STXBP6: variants seen among roughly 807,000 people sequenced by gnomAD.
STXBP6 encodes the protein syntaxin-binding protein 6.
In STXBP6, 21 loss-of-function variants were observed where a neutral mutation model predicts 26.9. The observed-to-expected ratio is 0.78, with a 90% CI of 0.55 to 1.12. The LOEUF (loss-of-function observed/expected upper bound fraction) is 1.12. STXBP6 is among the 50% of genes most tolerant of loss of function. The pLI, the probability that STXBP6 is intolerant of heterozygous loss-of-function variation, is 0.00. For synonymous variants in STXBP6, 97 were observed against 92.6 expected, an observed-to-expected ratio of 1.05 and a Z score of -0.27; for missense variants, 232 against 257.9, an observed-to-expected ratio of 0.90 and a Z score of 0.69.
intron 1 of STXBP6, among the ~76,000 whole-genome samples, chr14:25,043,959 C>T (rs1486955271): frequency 6.6e-6 from 1 of 151,824 alleles, no homozygotes; most frequent in African/African-American, 2.4e-5. Context: ...TGCTTGAGCC[C>T]AGGAGTTCAA....
chr14:24,866,950 A>G (rs1412049030), intron 2 of STXBP6, among the ~76,000 whole-genome samples: 1 of 152,108 alleles, frequency 6.6e-6, no homozygotes, highest in Non-Finnish European at 1.5e-5. Flanking sequence ...AGAAGAGCAA[A>G]AACAACTGTG....
At chr14:24,864,369 A>C (rs10483288) in intron 2 of STXBP6, among the ~76,000 whole-genome samples, 24,597 of 152,152 alleles carry the variant, frequency 0.16, 2,359 homozygotes, top group Non-Finnish European at 0.23. Context: ...CGTGGTAGAA[A>C]TTCAATGCAT....
intron 1 of STXBP6, among the ~76,000 whole-genome samples, chr14:24,977,882 G>T (rs1370017613): frequency 1.3e-5 from 2 of 152,160 alleles, no homozygotes; most frequent in African/African-American, 2.4e-5. Context: ...CTCTTATAGG[G>T]ATGGTTTTGT....
chr14:25,035,661 T>C (rs997617090), intron 1 of STXBP6, among the ~76,000 whole-genome samples: 1 of 152,216 alleles, frequency 6.6e-6, no homozygotes, highest in African/African-American at 2.4e-5. Flanking sequence ...GAAGTTTTCA[T>C]TAAAATGTCC....
intron 4 of STXBP6, among the ~76,000 whole-genome samples, chr14:24,824,507 G>A (rs938644417): frequency 6.6e-6 from 1 of 152,112 alleles, no homozygotes; most frequent in Admixed American, 6.6e-5. Flanking sequence ...AATCCACAAA[G>A]TCCATTAATT....
chr14:24,891,152 A>T (rs144937804), intron 2 of STXBP6, among the ~76,000 whole-genome samples: 3 of 152,320 alleles, frequency 2.0e-5, no homozygotes, highest in Admixed American at 1.3e-4. Flanking sequence ...AACTTTGGAC[A>T]GTATGTTAAT....
intron 2 of STXBP6, among the ~76,000 whole-genome samples, chr14:24,870,701 A>G (rs2069897236): frequency 6.6e-6 from 1 of 152,166 alleles, no homozygotes; most frequent in Non-Finnish European, 1.5e-5. Flanking sequence ...TTTGTCATTT[A>G]AATGGTCTCC....
chr14:24,899,068 G>A (rs2071107533), intron 2 of STXBP6, among the ~76,000 whole-genome samples: 2 of 152,130 alleles, frequency 1.3e-5, no homozygotes. Flanking sequence ...TCTTTCCAGT[G>A]ACTCTGAACC....
At chr14:24,886,396 T>A (rs2070589171) in intron 2 of STXBP6, among the ~76,000 whole-genome samples, 1 of 152,172 alleles carries the variant, frequency 6.6e-6, no homozygotes, top group Non-Finnish European at 1.5e-5. Flanking sequence ...TAACAGTAAC[T>A]GTAAATCCAA....
intron 1 of STXBP6, among the ~76,000 whole-genome samples, chr14:25,043,292 A>C (rs2075672001): frequency 6.6e-6 from 1 of 152,244 alleles, no homozygotes; most frequent in African/African-American, 2.4e-5. Context: ...AAAGACAAAC[A>C]AGGATAAACG....
chr14:24,918,673 CAT>C (rs1226288455), intron 2 of STXBP6, among the ~76,000 whole-genome samples: 1 of 152,016 alleles, frequency 6.6e-6, no homozygotes, highest in Non-Finnish European at 1.5e-5. Flanking sequence ...ACTTAATTAA[CAT>C]ATTTCTGGTA....
chr14:24,882,315 C>G (rs1239518020), intron 2 of STXBP6, among the ~76,000 whole-genome samples: 1 of 124,188 alleles, frequency 8.1e-6, no homozygotes, highest in African/African-American at 3.0e-5. Context: ...GGAGGCGGAG[C>G]TTGCAGTGAG....
chr14:24,996,755 T>C (rs935572937), intron 1 of STXBP6, among the ~76,000 whole-genome samples: 5 of 147,702 alleles, frequency 3.4e-5, no homozygotes, highest in African/African-American at 5.1e-5. Context: ...CTTGGAAGGC[T>C]GAGGCAGGAG....
At chr14:24,831,102 ACCT>A (rs2068442875) in intron 4 of STXBP6, among the ~76,000 whole-genome samples, 1 of 152,184 alleles carries the variant, frequency 6.6e-6, no homozygotes, top group Admixed American at 6.5e-5. Flanking sequence ...CTAAACTGTA[ACCT>A]CCTAGAAGAA....
chr14:24,937,402 A>T (rs1024583543), intron 2 of STXBP6, among the ~76,000 whole-genome samples: 13 of 152,244 alleles, frequency 8.5e-5, no homozygotes, highest in Non-Finnish European at 1.9e-4. Flanking sequence ...TTGCTCTGTT[A>T]CTATGCCTTT....
At chr14:24,939,202 G>A (rs145131193) in intron 2 of STXBP6, among the ~76,000 whole-genome samples, 6 of 152,216 alleles carry the variant, frequency 3.9e-5, no homozygotes, top group South Asian at 2.1e-4. Flanking sequence ...CTAGTGCTCC[G>A]GTGACTGTGG....
chr14:24,955,862 G>A (rs1461304499), intron 2 of STXBP6, among the ~76,000 whole-genome samples: 2 of 152,182 alleles, frequency 1.3e-5, no homozygotes, highest in African/African-American at 2.4e-5. Flanking sequence ...CTTCATATAT[G>A]CAGCATTACT....
At chr14:24,907,389 A>T (rs2139686865) in intron 2 of STXBP6, among the ~76,000 whole-genome samples, 1 of 152,318 alleles carries the variant, frequency 6.6e-6, no homozygotes, top group African/African-American at 2.4e-5. Flanking sequence ...TTCCATTATA[A>T]TGTACAGTGC....
In STXBP6 at chr14:24,931,081, G is replaced by A. The variant is rs1157315956; in HGVS notation, c.154+43584C>T. The stretch of plus-strand genomic sequence containing the variant: ...AGCCGAGATTGCGCCACTGCAGTCC[G>A]CAGTCCGGCCTGGGCGACAGAGCGA... On this transcript the variant is annotated intron_variant, in intron 2 of 5. Coordinates refer to ENST00000323944, the MANE Select transcript of STXBP6 (RefSeq NM_001394410.1). Among the ~76,000 whole-genome samples the A allele has an allele frequency of 2.2e-4, 26 of 120,354 alleles. No homozygotes were observed. The East Asian group carries it at 5.5e-3, about 25-fold the overall frequency. 79.0% of individuals were successfully genotyped at this position (120,354 alleles called of 152,430 possible).
Sources: gnomAD v4.1 joint callset for allele counts (sites outside exome capture counted in the v4.1 genomes callset) on GRCh38, gnomAD v4.1.1 for gene constraint, MANE v1.5 for transcripts, NCBI Gene and HGNC (gene_info 2026-07-23, HGNC 2026-07-21) for gene names.